Variants in TMEM232 observed in about 807,000 individuals in gnomAD.
TMEM232 encodes transmembrane protein 232.
In TMEM232, 80 loss-of-function variants were observed where a neutral mutation model predicts 78.8. That is an observed-to-expected ratio of 1.01 (90% CI 0.85 to 1.22). TMEM232 has a LOEUF of 1.22. Among genes scored for constraint, TMEM232 ranks in the 50% most tolerant of loss-of-function variants. The probability of loss-of-function intolerance (pLI) is 0.00; values close to 1 mark genes in which losing one functional copy is unlikely to be tolerated. For missense variants in TMEM232, 881 were observed against 742.2 expected, an observed-to-expected ratio of 1.19 and a Z score of -2.17; for synonymous variants, 297 against 254.3, an observed-to-expected ratio of 1.17 and a Z score of -1.60.
intron 2 of TMEM232, among the ~76,000 whole-genome samples, chr5:110,400,229 C>A (rs1755538937): frequency 6.6e-6 from 1 of 152,130 alleles, no homozygotes; most frequent in South Asian, 2.1e-4. Context: ...AACTAAAATT[C>A]TGACTGTTCC....
chr5:110,486,892 T>C (rs1016350378), intron 12 of TMEM232, among the ~76,000 whole-genome samples: 3 of 152,118 alleles, frequency 2.0e-5, no homozygotes, highest in Admixed American at 1.3e-4. Context: ...ATTGAATTTG[T>C]AGATTGCTTT....
At chr5:110,622,544 G>T (rs891896800) in intron 7 of TMEM232, among the ~76,000 whole-genome samples, 17 of 152,038 alleles carry the variant, frequency 1.1e-4, no homozygotes, top group African/African-American at 4.1e-4. Flanking sequence ...TGGCTGCATA[G>T]TATTCCATGG....
intron 2 of TMEM232, among the ~76,000 whole-genome samples, chr5:110,667,022 TATAG>T (rs2150128903): frequency 6.6e-6 from 1 of 152,166 alleles, no homozygotes; most frequent in South Asian, 2.1e-4. Context: ...AACATATGAG[TATAG>T]ATAATTATTT....
At chr5:110,721,671 G>C in intron 1 of TMEM232, among the ~76,000 whole-genome samples, 3 of 23,412 alleles carry the variant, frequency 1.3e-4, no homozygotes. Flanking sequence ...GTGTGTGTGT[G>C]TGTATATATA....
At chr5:110,582,190 CA>C (rs1561732001) in intron 10 of TMEM232, among the ~76,000 whole-genome samples, 1 of 151,790 alleles carries the variant, frequency 6.6e-6, no homozygotes, top group East Asian at 1.9e-4. Flanking sequence ...ATTATTCTAC[CA>C]AAAAGACAAC....
At chr5:110,439,040 T>C (rs1758740244) in intron 12 of TMEM232, among the ~76,000 whole-genome samples, 1 of 152,210 alleles carries the variant, frequency 6.6e-6, no homozygotes, top group Non-Finnish European at 1.5e-5. Flanking sequence ...TTTTCTGTTT[T>C]GGAGGACTGA....
At chr5:110,616,132 GA>G (rs1218877963) in intron 8 of TMEM232, among the ~76,000 whole-genome samples, 1 of 151,626 alleles carries the variant, frequency 6.6e-6, no homozygotes, top group Non-Finnish European at 1.5e-5. Context: ...TGAGCAAAAA[GA>G]AAAAAAGCTG....
At chr5:110,486,970 G>A (rs1389048382) in intron 12 of TMEM232, among the ~76,000 whole-genome samples, 1 of 151,788 alleles carries the variant, frequency 6.6e-6, no homozygotes, top group Non-Finnish European at 1.5e-5. Context: ...CCATTTGTTT[G>A]TGTCATCTAT....
intron 12 of TMEM232, among the ~76,000 whole-genome samples, chr5:110,441,470 A>G (rs1759035981): frequency 6.6e-6 from 1 of 152,174 alleles, no homozygotes. Flanking sequence ...GCGGGGAGAC[A>G]GATTTCCATG....
At chr5:110,552,509 C>T (rs189981139) in intron 11 of TMEM232, among the ~76,000 whole-genome samples, 1 of 152,002 alleles carries the variant, frequency 6.6e-6, no homozygotes, top group East Asian at 1.9e-4. Context: ...TATATAAAGA[C>T]ACAAAAAGTT....
chr5:110,507,030 G>A (rs941990699), intron 12 of TMEM232, among the ~76,000 whole-genome samples: 4 of 152,114 alleles, frequency 2.6e-5, no homozygotes, highest in African/African-American at 9.7e-5. Flanking sequence ...TGCTTACTGA[G>A]CCAGGGGTGT....
intron 12 of TMEM232, among the ~76,000 whole-genome samples, chr5:110,484,830 T>C (rs1261302635): frequency 6.6e-6 from 1 of 151,958 alleles, no homozygotes; most frequent in Non-Finnish European, 1.5e-5. Context: ...TCAAAATATA[T>C]GAAGCAAAAG....
At chr5:110,644,653 A>G (rs1277456183) in intron 2 of TMEM232, among the ~76,000 whole-genome samples, 2 of 151,858 alleles carry the variant, frequency 1.3e-5, no homozygotes, top group East Asian at 3.9e-4. Context: ...AAATACTCAC[A>G]TTACATGAAG....
At position 110,420,701 on chromosome 5, in the gene TMEM232, T is replaced by A; in HGVS notation, c.1853A>T (p.Glu618Val). The A allele has an allele frequency of 1.3e-6, 2 of 1,527,820 alleles. No individual in the cohort carries two copies. 94.6% of individuals were successfully genotyped at this position (1,527,820 alleles called of 1,614,324 possible). ...EKEDAICKAQELKDKKLAEKN... is the reference protein window; with the variant it reads ...EKEDAICKAQVLKDKKLAEKN... ...CTCTGCTAACTTTTTATCTTTAAGT[T>A]CTTGGGCCTTGCATATTGCATCTTC... Residue 618 changes from glutamate to valine, a missense_variant, in exon 14 of 14, where the codon GAA becomes GTA. By Grantham distance (121) the Glu-to-Val change is moderately radical (BLOSUM62 -2). Transcript: ENST00000455884.
At chr5:110,432,343 G>A (rs1217927264) in intron 12 of TMEM232, among the ~76,000 whole-genome samples, 1 of 151,678 alleles carries the variant, frequency 6.6e-6, no homozygotes, top group African/African-American at 2.4e-5. Flanking sequence ...CATTCTGAAA[G>A]AAAATAAATG....
rs1034607920 is a variant in TMEM232, at chr5:110,620,605, C to A, written c.769-2043G>T. ...TCTCTCTCTCTCTCTCTCTCTCTCT[C>A]TCTCTCTCTCTCTCTCTCTCTCTCT... On this transcript the variant is annotated intron_variant, in intron 7 of 13. Coordinates refer to ENST00000455884, the MANE Select transcript of TMEM232 (RefSeq NM_001039763.4). Among the ~76,000 whole-genome samples, 15 of 136,364 alleles carry A rather than the reference C, an allele frequency of 1.1e-4. 1 individual carries two copies. The highest frequency in any genetic ancestry group is 4.5e-4 in the African/African-American group (15 of 33,120). The allele number at this position is 136,364 out of a possible 152,430, so 89.5% of individuals were successfully genotyped here.
chr5:110,507,337 G>A (rs1036338431), intron 12 of TMEM232, among the ~76,000 whole-genome samples: 1 of 152,132 alleles, frequency 6.6e-6, no homozygotes, highest in African/African-American at 2.4e-5. Context: ...AATTCTGTGT[G>A]ACAGCAAGTG....
intron 1 of TMEM232, among the ~76,000 whole-genome samples, chr5:110,716,997 T>C (rs1797079028): frequency 6.6e-6 from 1 of 152,004 alleles, no homozygotes; most frequent in Non-Finnish European, 1.5e-5. Context: ...AAGCAGACAA[T>C]AAAGTAGGGA....
At chr5:110,544,441 CAAAAAAA>C (rs575755362) in intron 11 of TMEM232, among the ~76,000 whole-genome samples, 2 of 75,780 alleles carry the variant, frequency 2.6e-5, no homozygotes, top group Non-Finnish European at 3.4e-5. Flanking sequence ...ACACACATAT[CAAAAAAA>C]AAAAAAAAAA....
Sources: allele counts gnomAD v4.1 joint callset (sites outside exome capture counted in the v4.1 genomes callset), GRCh38; gene constraint gnomAD v4.1.1; transcripts MANE v1.5; gene names NCBI Gene and HGNC (gene_info 2026-07-23, HGNC 2026-07-21).